FGD6: variants seen among roughly 807,000 people sequenced by gnomAD.
FGD6 encodes FYVE, RhoGEF and PH domain containing 6, also known as FYVE, RhoGEF and PH domain-containing protein 6.
FGD6 carries 90 observed loss-of-function variants against 149.4 expected under a neutral mutation model. The ratio of observed to expected loss-of-function variants is 0.60; its 90% confidence interval spans 0.51 to 0.72. The LOEUF is 0.72. FGD6 is among the 30% of genes least tolerant of loss of function. FGD6 has a pLI of 0.00. For synonymous variants in FGD6, 527 were observed against 584.0 expected, an observed-to-expected ratio of 0.90 and a Z score of 1.41; for missense variants, 1,437 against 1,684.8, an observed-to-expected ratio of 0.85 and a Z score of 2.57.
chr12:95,208,753 G>T, intron 2 of FGD6, 90 bp downstream of exon 2: 2 of 1,425,040 alleles, frequency 1.4e-6, no homozygotes, highest in Non-Finnish European at 1.9e-6. Context: ...TCAACCACGT[G>T]TTTTTTTTCC....
At chr12:95,089,469 G>A (rs1877979694) in intron 18 of FGD6, 100 bp downstream of exon 18, 1 of 1,394,554 alleles carries the variant, frequency 7.2e-7, no homozygotes, top group Admixed American at 2.1e-5. Context: ...CTTAATAGTT[G>A]TGGGAAATGA....
chr12:95,164,393 A>G (rs991141190), intron 3 of FGD6, among the ~76,000 whole-genome samples: 1 of 150,832 alleles, frequency 6.6e-6, no homozygotes, highest in African/African-American at 2.4e-5. Context: ...TGTTCTTATC[A>G]TATGTGTTCA....
At chr12:95,140,389 G>A (rs531585590) in intron 6 of FGD6, among the ~76,000 whole-genome samples, 1 of 152,310 alleles carries the variant, frequency 6.6e-6, no homozygotes, top group Admixed American at 6.5e-5. Flanking sequence ...GGGAGGCCAA[G>A]GCGGATCACC....
intron 8 of FGD6, among the ~76,000 whole-genome samples, chr12:95,131,142 G>A (rs1050011967): frequency 1.5e-5 from 2 of 136,194 alleles, no homozygotes; most frequent in Non-Finnish European, 3.1e-5. Context: ...GAGGGAGGTT[G>A]CTCTTCCTGG....
rs746136055 is a variant in FGD6 at position 95,155,585 on chromosome 12, AAGTC to A, written c.2587-2596_2587-2593del. Among the ~76,000 whole-genome samples the A allele has an allele frequency of 5.9e-5, 9 of 152,286 alleles. No homozygotes were observed. The South Asian group carries it at 1.9e-3, about 32-fold the overall frequency. On this transcript the variant is annotated intron_variant, in intron 3 of 20. Transcript: ENST00000343958. ...CTGCAATCACTTCTATGCTCACAAG[AAGTC>A]AGAGAACTATAGGGGAAAGTTTTAT...
intron 1 of FGD6, among the ~76,000 whole-genome samples, chr12:95,216,669 CAAA>C (rs143881424): frequency 0.29 from 25,425 of 88,662 alleles, 2,618 homozygotes; most frequent in Middle Eastern, 0.39. Flanking sequence ...TGCAGACAAG[CAAA>C]AAAAAAAAAA....
Position 95,079,326 on chromosome 12 carries a change from CTG to C in FGD6, c.*2192_*2193del, listed in dbSNP as rs1054815882. 1 of 152,320 alleles carries C rather than the reference CTG, an allele frequency of 6.6e-6. No individual in the cohort carries two copies. Among genetic ancestry groups the C allele is most frequent in the South Asian group, 2.1e-4 (1 of 4,830 alleles). 9.4% of individuals were successfully genotyped at this position (152,320 alleles called of 1,614,324 possible). On this transcript the variant is annotated 3_prime_UTR_variant, in exon 21 of 21. Transcript: ENST00000343958. ...TGCATTTTACATGTAATTAAAGAGACTGTAAGTTTGTGCCAGATTTCTTCCCT... is the reference window on the plus strand; with the variant it reads ...TGCATTTTACATGTAATTAAAGAGACTAAGTTTGTGCCAGATTTCTTCCCT...
intron 3 of FGD6, among the ~76,000 whole-genome samples, chr12:95,163,526 C>T (rs553688994): frequency 6.6e-6 from 1 of 152,326 alleles, no homozygotes; most frequent in East Asian, 1.9e-4. Context: ...TCCTTCTGCA[C>T]ATAGCACGCT....
chr12:95,159,593 T>C (rs1023430551), intron 3 of FGD6, among the ~76,000 whole-genome samples: 1 of 152,196 alleles, frequency 6.6e-6, no homozygotes, highest in Non-Finnish European at 1.5e-5. Flanking sequence ...AATCTCATAT[T>C]TTGGGAGGCC....
intron 1 of FGD6, among the ~76,000 whole-genome samples, chr12:95,214,312 A>G (rs1592882097): frequency 6.6e-6 from 1 of 152,242 alleles, no homozygotes; most frequent in African/African-American, 2.4e-5. Context: ...ATGTAGAATA[A>G]TATTTTGAAA....
intron 3 of FGD6, among the ~76,000 whole-genome samples, chr12:95,168,502 A>G (rs1880892532): frequency 6.6e-6 from 1 of 152,162 alleles, no homozygotes; most frequent in East Asian, 1.9e-4. Context: ...CGTCTCTACT[A>G]AAAATACAAA....
chr12:95,214,695 A>T (rs990461380), intron 1 of FGD6, among the ~76,000 whole-genome samples: 21 of 152,128 alleles, frequency 1.4e-4, no homozygotes, highest in African/African-American at 5.1e-4. Flanking sequence ...TATTACAAAC[A>T]TACTCGTCAT....
chr12:95,180,710 C>T (rs549034781), intron 2 of FGD6, among the ~76,000 whole-genome samples: 49 of 151,970 alleles, frequency 3.2e-4, no homozygotes, highest in Non-Finnish European at 6.5e-4. Flanking sequence ...ATTATTTGCC[C>T]TTCAGTACAT....
chr12:95,121,692 G>C (rs1879195702), intron 8 of FGD6, among the ~76,000 whole-genome samples: 1 of 151,380 alleles, frequency 6.6e-6, no homozygotes. Context: ...AGTCTCTCCT[G>C]TTGCCCAGGC....
chr12:95,182,358 G>A (rs1366971388), intron 2 of FGD6, among the ~76,000 whole-genome samples: 6 of 151,378 alleles, frequency 4.0e-5, no homozygotes, highest in Admixed American at 1.3e-4. Flanking sequence ...GCCCCACCAC[G>A]CCCGGCTAAT....
At chr12:95,148,339 C>T (rs551724275) in intron 5 of FGD6, among the ~76,000 whole-genome samples, 7 of 149,866 alleles carry the variant, frequency 4.7e-5, no homozygotes, top group Admixed American at 4.1e-4. Context: ...CTAGGGTAGC[C>T]TTGCCTCTGG....
intron 8 of FGD6, among the ~76,000 whole-genome samples, chr12:95,129,817 C>T (rs189460719): frequency 7.2e-5 from 11 of 152,134 alleles, no homozygotes; most frequent in Non-Finnish European, 1.3e-4. Flanking sequence ...GGATTATAGG[C>T]GCATGCTACC....
In FGD6 at chr12:95,154,482, A is replaced by G. The variant is rs1379556490; in HGVS notation, c.2587-1489T>C. 5.9e-5 allele frequency among the ~76,000 whole-genome samples: 9 copies of G among 152,192 alleles called. No individual in the cohort carries two copies. The East Asian group carries it at 1.7e-3, about 29-fold the overall frequency. ...AGAAGCTTCTCTCCATTTATGTTCC[A>G]GTTCAAGATCAGAACACTACAGTTC... On this transcript the variant is annotated intron_variant, in intron 3 of 20. Transcript: ENST00000343958.
intron 1 of FGD6, 38 bp from the exon 2 acceptor site, chr12:95,211,305 C>A: frequency 6.6e-7 from 1 of 1,516,736 alleles, no homozygotes; most frequent in South Asian, 1.3e-5. Context: ...GTCAAAACAA[C>A]CAAAGCACAA....
Sources: gnomAD v4.1 joint callset for allele counts (sites outside exome capture counted in the v4.1 genomes callset) on GRCh38, gnomAD v4.1.1 for gene constraint, MANE v1.5 for transcripts, NCBI Gene and HGNC (gene_info 2026-07-23, HGNC 2026-07-21) for gene names.